Variants in DACH2 observed in about 807,000 individuals in gnomAD.
DACH2 encodes the protein dachshund homolog 2.
A neutral mutation model predicts 35.8 loss-of-function variants in DACH2; 17 were observed. The ratio of observed to expected loss-of-function variants is 0.48; its 90% CI spans 0.33 to 0.71. DACH2 has a LOEUF of 0.71. DACH2 is among the 30% of genes least tolerant of loss of function. DACH2 has a pLI of 0.02. For synonymous variants in DACH2, 195 were observed against 177.3 expected (o/e 1.10, Z -0.79); for missense variants, 469 against 472.7 (o/e 0.99, Z 0.07).
chrX:86,455,970 A>T (rs984918927), intron 2 of DACH2, among the ~76,000 whole-genome samples: 1 of 112,240 alleles, frequency 8.9e-6, no homozygotes, highest in Admixed American at 9.4e-5. Context: ...CTCTGATGGC[A>T]TAGGCTCATG....
chrX:86,526,636 G>C (rs2148283185), intron 3 of DACH2, among the ~76,000 whole-genome samples: 1 of 110,751 alleles, frequency 9.0e-6, no homozygotes, highest in African/African-American at 3.3e-5. Flanking sequence ...GCTTAAAAAT[G>C]TTATTAATAC....
intron 1 of DACH2, among the ~76,000 whole-genome samples, chrX:86,221,045 G>A (rs774641904): frequency 3.0e-4 from 33 of 111,085 alleles, no homozygotes; most frequent in African/African-American, 1.0e-3. Flanking sequence ...TTTTGCTGTG[G>A]CAAAGCTTTT....
intron 7 of DACH2, among the ~76,000 whole-genome samples, chrX:86,752,996 A>G (rs1423127035): frequency 1.8e-5 from 2 of 110,656 alleles, no homozygotes; most frequent in Non-Finnish European, 3.8e-5. Flanking sequence ...CTCATATTTT[A>G]TGTCTTTTAT....
intron 3 of DACH2, among the ~76,000 whole-genome samples, chrX:86,535,831 G>A (rs2038790603): frequency 9.0e-6 from 1 of 111,295 alleles, no homozygotes; most frequent in African/African-American, 3.3e-5. Flanking sequence ...TCTTTAAGGC[G>A]GGAAATACGT....
At chrX:86,295,029 G>A (rs1479199975) in intron 1 of DACH2, among the ~76,000 whole-genome samples, 8 of 112,657 alleles carry the variant, frequency 7.1e-5, no homozygotes, top group Non-Finnish European at 1.1e-4. Context: ...CCTCACTGCC[G>A]CCTTGCAGTT....
intron 6 of DACH2, among the ~76,000 whole-genome samples, chrX:86,715,362 G>A (rs1404346615): frequency 6.3e-5 from 7 of 111,546 alleles, no homozygotes; most frequent in Non-Finnish European, 1.3e-4. Context: ...TCAAGTTTAT[G>A]GGCATTGGAT....
chrX:86,775,927 T>C (rs1277104797), intron 7 of DACH2, among the ~76,000 whole-genome samples: 1 of 111,744 alleles, frequency 8.9e-6, no homozygotes, highest in Non-Finnish European at 1.9e-5. Context: ...TTAAGTCCAT[T>C]TTAAAGATGA....
At chrX:86,293,329 G>A (rs1218008516) in intron 1 of DACH2, among the ~76,000 whole-genome samples, 3 of 110,038 alleles carry the variant, frequency 2.7e-5, no homozygotes, top group South Asian at 4.0e-4. Flanking sequence ...CTCTCTGCAC[G>A]TGAGATGGGT....
intron 1 of DACH2, among the ~76,000 whole-genome samples, chrX:86,294,776 G>C (rs6623636): frequency 0.41 from 43,401 of 104,656 alleles, 7,485 homozygotes; most frequent in East Asian, 0.52. Flanking sequence ...CAGTCTGCCC[G>C]TTCTCAGATC....
chrX:86,285,269 T>C (rs1339115591), intron 1 of DACH2, among the ~76,000 whole-genome samples: 1 of 111,791 alleles, frequency 8.9e-6, no homozygotes, highest in Non-Finnish European at 1.9e-5. Flanking sequence ...TCTCATCAGA[T>C]TGTTTATTTG....
intron 3 of DACH2, among the ~76,000 whole-genome samples, chrX:86,606,295 A>T (rs2039857217): frequency 1.0e-5 from 1 of 99,187 alleles, no homozygotes; most frequent in African/African-American, 3.7e-5. Context: ...TTTTTATTTG[A>T]AGTTTTTTTT....
At position 86,671,190 on chromosome X, in the gene DACH2, T is replaced by G. The variant is rs895506149; in HGVS notation, c.772+20023T>G. Among the ~76,000 whole-genome samples the G allele has an allele frequency of 2.7e-5, 3 of 112,441 alleles. No individual in the cohort carries two copies. In the Admixed American group the frequency reaches 2.8e-4, roughly 11 times the overall value. On this transcript the variant is annotated intron_variant, in intron 4 of 11. Transcript: ENST00000373125. ...ATTATTTTTTAGCACTACAGTTCTCTGTGACCTTCATTGTGTATACATGAT... is the reference window on the plus strand; with the variant it reads ...ATTATTTTTTAGCACTACAGTTCTCGGTGACCTTCATTGTGTATACATGAT...
At chrX:86,585,375 TTTAA>T (rs1025077791) in intron 3 of DACH2, among the ~76,000 whole-genome samples, 2 of 111,220 alleles carry the variant, frequency 1.8e-5, no homozygotes, top group Non-Finnish European at 1.9e-5. Context: ...CTCAATGTGG[TTTAA>T]TTAATTAATT....
chrX:86,160,205 A>T (rs2030702496), intron 1 of DACH2: 6 of 1,153,444 alleles, frequency 5.2e-6, no homozygotes, highest in Non-Finnish European at 6.9e-6. Context: ...GATTAAGACT[A>T]GGGTGGCAGG....
chrX:86,197,798 C>T (rs1052620593), intron 1 of DACH2, among the ~76,000 whole-genome samples: 4 of 111,050 alleles, frequency 3.6e-5, no homozygotes, highest in African/African-American at 1.3e-4. Context: ...AAAGAGACTC[C>T]CATGGAATAA....
At chrX:86,478,384 G>C (rs1352570250) in intron 2 of DACH2, among the ~76,000 whole-genome samples, 1 of 110,450 alleles carries the variant, frequency 9.1e-6, no homozygotes, top group Non-Finnish European at 1.9e-5. Context: ...TACTATTCTA[G>C]GGTAAAAGGT....
chrX:86,321,741 G>C (rs1266917957), intron 1 of DACH2, among the ~76,000 whole-genome samples: 3 of 112,030 alleles, frequency 2.7e-5, no homozygotes, highest in Non-Finnish European at 5.6e-5. Flanking sequence ...TGCAGTGAGG[G>C]TTTGGCCTAG....
intron 3 of DACH2, among the ~76,000 whole-genome samples, chrX:86,648,595 A>G (rs928262964): frequency 3.1e-4 from 34 of 110,873 alleles, no homozygotes; most frequent in African/African-American, 1.1e-3. Context: ...ACAGATATTC[A>G]GGTGCTGTAC....
chrX:86,397,001 A>T (rs1400325371), intron 2 of DACH2, among the ~76,000 whole-genome samples: 1 of 111,097 alleles, frequency 9.0e-6, no homozygotes, highest in Non-Finnish European at 1.9e-5. Flanking sequence ...TTTTCACGAT[A>T]TTGATTCTTC....
Sources: gnomAD v4.1 joint callset for allele counts (sites outside exome capture counted in the v4.1 genomes callset) on GRCh38, gnomAD v4.1.1 for gene constraint, MANE v1.5 for transcripts, NCBI Gene and HGNC (gene_info 2026-07-23, HGNC 2026-07-21) for gene names.